Variants in DENND2B observed in about 807,000 individuals in gnomAD.
The protein encoded by DENND2B is DENN domain-containing protein 2B.
DENND2B carries 32 observed loss-of-function variants against 116.0 expected under a neutral mutation model. That is an observed-to-expected ratio of 0.28 (90% CI 0.21 to 0.37). The LOEUF (loss-of-function observed/expected upper bound fraction) is 0.37, where lower values mean the gene tolerates loss of function less well. DENND2B is among the 10% of genes least tolerant of loss of function. The pLI is 1.00. For missense variants in DENND2B, 1,276 were observed against 1,477.7 expected (o/e 0.86, Z 2.24); for synonymous variants, 588 against 583.9 (o/e 1.01, Z -0.10).
At position 8,897,643 on chromosome 11, in the gene DENND2B, G is replaced by C. The variant is rs150301883; in HGVS notation, c.-256+13178C>G. On this transcript the variant is annotated intron_variant, in intron 1 of 22. Coordinates refer to the DENND2B transcript ENST00000534127. ...AGCCATAGTGGAACCTGATACCCTT[G>C]GTGGTCTGGAAGGCTGTGTACAAGG... Among the ~76,000 whole-genome samples, 918 of 152,278 alleles carry C rather than the reference G, an allele frequency of 6.0e-3. 6 individuals are homozygous for C. Among genetic ancestry groups the C allele is most frequent in the Non-Finnish European group, 9.5e-3 (643 of 68,010 alleles).
intron 2 of DENND2B, among the ~76,000 whole-genome samples, chr11:8,860,708 G>A (rs2063362463): frequency 6.6e-6 from 1 of 152,032 alleles, no homozygotes; most frequent in Non-Finnish European, 1.5e-5. Context: ...AAATTCATAT[G>A]GAACCAAAAA....
chr11:8,867,345 C>G (rs769398048), intron 2 of DENND2B, among the ~76,000 whole-genome samples: 1 of 152,074 alleles, frequency 6.6e-6, no homozygotes, highest in Non-Finnish European at 1.5e-5. Context: ...ATGAACAATA[C>G]GATTAACTGG....
At chr11:8,877,280 T>G (rs546750118) in intron 2 of DENND2B, 1 of 151,938 alleles carries the variant, frequency 6.6e-6, no homozygotes. Flanking sequence ...ATTTTTTTTG[T>G]ATTTTTAGTA....
At chr11:8,761,583 C>A (rs990537181) in intron 1 of DENND2B, among the ~76,000 whole-genome samples, 2 of 152,172 alleles carry the variant, frequency 1.3e-5, no homozygotes, top group African/African-American at 4.8e-5. Flanking sequence ...CAACCAATTC[C>A]TTTGATTTTC....
exon 3 of DENND2B, chr11:8,857,397 T>G (rs569980597): frequency 6.6e-5 from 10 of 152,204 alleles, no homozygotes; most frequent in African/African-American, 2.4e-4. Flanking sequence ...TCCTCCTCAA[T>G]TCCAATCCAT....
chr11:8,701,345 G>GGGGGC (rs2041592315), intron 14 of DENND2B, among the ~76,000 whole-genome samples: 2 of 26,480 alleles, frequency 7.6e-5, no homozygotes, highest in Admixed American at 2.7e-4. Flanking sequence ...GCCAGCTTCC[G>GGGGGC]GGGGGGGGGG....
At chr11:8,798,699 G>A (rs1302540093) in intron 1 of DENND2B, among the ~76,000 whole-genome samples, 7 of 151,894 alleles carry the variant, frequency 4.6e-5, no homozygotes, top group African/African-American at 1.7e-4. Context: ...TCTAAATGGA[G>A]GGAAAAAAAA....
chr11:8,842,524 C>T (rs2062660313), intron 3 of DENND2B, among the ~76,000 whole-genome samples: 1 of 152,184 alleles, frequency 6.6e-6, no homozygotes, highest in African/African-American at 2.4e-5. Context: ...ATCCCACCAC[C>T]TCGTGTTTCT....
At chr11:8,864,584 T>G (rs2063515475) in intron 2 of DENND2B, among the ~76,000 whole-genome samples, 1 of 152,166 alleles carries the variant, frequency 6.6e-6, no homozygotes, top group Non-Finnish European at 1.5e-5. Context: ...TCTAATTTCT[T>G]AACTTCATCC....
chr11:8,823,903 CTTTTTT>C (rs71059183), intron 4 of DENND2B, among the ~76,000 whole-genome samples: 13 of 123,078 alleles, frequency 1.1e-4, no homozygotes, highest in Non-Finnish European at 1.2e-4. Flanking sequence ...TCTTCTTCTT[CTTTTTT>C]TTTTTTTTTT....
intron 1 of DENND2B, among the ~76,000 whole-genome samples, chr11:8,761,833 C>T (rs1052334576): frequency 2.6e-5 from 4 of 152,164 alleles, no homozygotes; most frequent in Admixed American, 6.5e-5. Context: ...ATCCTAATAC[C>T]TCCGTTTTAC....
At chr11:8,721,545 C>T (rs2046187536) in intron 4 of DENND2B, among the ~76,000 whole-genome samples, 1 of 152,212 alleles carries the variant, frequency 6.6e-6, no homozygotes. Context: ...TCCTGGTTCT[C>T]AGCCTTTTTC....
intron 14 of DENND2B, among the ~76,000 whole-genome samples, chr11:8,700,212 G>C (rs1414068447): frequency 6.6e-6 from 1 of 152,174 alleles, no homozygotes; most frequent in African/African-American, 2.4e-5. Flanking sequence ...CAGGGGCTTT[G>C]TTGGCTGACA....
intron 1 of DENND2B, among the ~76,000 whole-genome samples, chr11:8,893,822 C>A (rs999003669): frequency 6.6e-6 from 1 of 151,968 alleles, no homozygotes; most frequent in African/African-American, 2.4e-5. Flanking sequence ...GCCATACTAC[C>A]CAAGGTAATT....
chr11:8,728,061 G>C (rs1217131500), intron 3 of DENND2B, among the ~76,000 whole-genome samples: 1 of 151,856 alleles, frequency 6.6e-6, no homozygotes, highest in South Asian at 2.1e-4. Context: ...CTAGAGTGCA[G>C]TGGTGTGATC....
chr11:8,750,682 T>C lies in DENND2B; in HGVS notation c.19A>G (p.Lys7Glu). MTMTAN[K>E]NSSITHGAGG... ...GCTCCGTGGGTGATGCTGGAATTCTTGTTGGCAGTCATGGTCATTTCGGCT... is the reference window on the plus strand; with the variant it reads ...GCTCCGTGGGTGATGCTGGAATTCTCGTTGGCAGTCATGGTCATTTCGGCT... The change falls in exon 2 of 20, where the codon AAG becomes GAG. Residue 7 changes from lysine to glutamate, a missense_variant. Physicochemically the swap from Lys to Glu is moderately conservative, Grantham distance 56. Transcript: ENST00000313726. The C allele has an allele frequency of 1.2e-6, 2 of 1,614,182 alleles. No homozygotes were observed. The highest frequency in any genetic ancestry group is 2.2e-5 in the South Asian group (2 of 91,082).
intron 1 of DENND2B, among the ~76,000 whole-genome samples, chr11:8,807,046 C>A (rs547888267): frequency 3.3e-4 from 50 of 152,244 alleles, no homozygotes; most frequent in Non-Finnish European, 5.9e-4. Flanking sequence ...GCCCTAAACA[C>A]ACCCTCCTCC....
chr11:8,708,210 G>A, intron 11 of DENND2B: 2 of 1,238,500 alleles, frequency 1.6e-6, no homozygotes, highest in Non-Finnish European at 2.0e-6. Context: ...TGGGACCCCA[G>A]CAGATGGGAA....
intron 4 of DENND2B, among the ~76,000 whole-genome samples, chr11:8,833,172 A>G (rs1449139340): frequency 1.3e-5 from 2 of 152,172 alleles, no homozygotes; most frequent in Non-Finnish European, 2.9e-5. Context: ...TTCAGAGGTC[A>G]TAAGGCTTTT....
Sources: gnomAD v4.1 joint callset for allele counts (sites outside exome capture counted in the v4.1 genomes callset) on GRCh38, gnomAD v4.1.1 for gene constraint, MANE v1.5 for transcripts, NCBI Gene and HGNC (gene_info 2026-07-23, HGNC 2026-07-21) for gene names.